Variants in RAF1 observed in about 807,000 individuals in gnomAD.
The protein encoded by RAF1 is Raf-1 proto-oncogene, serine/threonine kinase.
RAF1 carries 27 observed loss-of-function variants against 81.1 expected under a neutral mutation model. The observed-to-expected ratio is 0.33, with a 90% confidence interval of 0.25 to 0.46. The LOEUF (loss-of-function observed/expected upper bound fraction) is 0.46, where lower values mean the gene tolerates loss of function less well. Among genes scored for constraint, RAF1 ranks in the 20% least tolerant of loss-of-function variants. RAF1 has a pLI of 1.00. For synonymous variants in RAF1, 298 were observed against 294.0 expected (o/e 1.01, Z -0.14); for missense variants, 598 against 826.0 (o/e 0.72, Z 3.38).
chr3:12,638,866 C>CA lies in RAF1; in HGVS notation c.-26-20120dup, dbSNP rs1424420272. Among the ~76,000 whole-genome samples the CA allele has an allele frequency of 5.3e-5, 8 of 151,940 alleles. No individual in the cohort carries two copies. In the South Asian group the frequency reaches 6.2e-4, roughly 12 times the overall value. ...ACCTGGCCAACACGGCCTAAAAATACAAAAAAAGAAATGTAAAAATGTGTT... is the reference window on the plus strand; with the variant it reads ...ACCTGGCCAACACGGCCTAAAAATACAAAAAAAAGAAATGTAAAAATGTGTT... On this transcript the variant is annotated intron_variant, in intron 1 of 17. Transcript: ENST00000442415.
intron 1 of RAF1, among the ~76,000 whole-genome samples, chr3:12,649,821 G>C (rs116096487): frequency 2.0e-3 from 306 of 152,032 alleles, no homozygotes; most frequent in African/African-American, 6.9e-3. Context: ...GCAACTGAGG[G>C]GGAACATCAA....
intron 17 of RAF1, 72 bp downstream of exon 16, chr3:12,584,775 C>T: frequency 6.2e-7 from 1 of 1,613,484 alleles, no homozygotes; most frequent in Non-Finnish European, 8.5e-7. Flanking sequence ...AAACAAAACA[C>T]TCCCACCTTA....
At chr3:12,608,008 C>T (rs2059093825) in intron 5 of RAF1, among the ~76,000 whole-genome samples, 2 of 142,960 alleles carry the variant, frequency 1.4e-5, no homozygotes, top group Non-Finnish European at 3.1e-5. Flanking sequence ...ATTTTAAAAG[C>T]TTGTGCCATT....
intron 1 of RAF1, among the ~76,000 whole-genome samples, chr3:12,641,903 T>C (rs1026428957): frequency 2.0e-5 from 3 of 151,380 alleles, no homozygotes; most frequent in Non-Finnish European, 4.4e-5. Context: ...ACGCCTGTAA[T>C]CCCAGCCTGA....
At chr3:12,657,938 CT>C (rs1421220580) in intron 1 of RAF1, among the ~76,000 whole-genome samples, 4 of 151,906 alleles carry the variant, frequency 2.6e-5, no homozygotes, top group Non-Finnish European at 4.4e-5. Context: ...CCCTCAGCCC[CT>C]GATCTACTTT....
At chr3:12,640,499 A>C (rs1406191324) in intron 1 of RAF1, among the ~76,000 whole-genome samples, 1 of 152,234 alleles carries the variant, frequency 6.6e-6, no homozygotes, top group Non-Finnish European at 1.5e-5. Context: ...TAGCATCTAC[A>C]AAGAACTTAA....
intron 2 of RAF1, among the ~76,000 whole-genome samples, chr3:12,612,668 A>AAAAAC (rs2059251433): frequency 6.6e-6 from 1 of 151,342 alleles, no homozygotes; most frequent in Non-Finnish European, 1.5e-5. Context: ...AAAAAAAAAA[A>AAAAAC]GTGAAGAAAT....
At chr3:12,609,434 C>T (rs1352254076) in intron 3 of RAF1, 99 bp from the exon 4 acceptor site, 1 of 776,944 alleles carries the variant, frequency 1.3e-6, no homozygotes, top group East Asian at 2.5e-5. Flanking sequence ...ATAAACACAA[C>T]TTTATTTAAT....
At position 12,645,840 on chromosome 3, in the gene RAF1, C is replaced by T. The variant is rs376225687; in HGVS notation, c.-27+17973G>A. Among the ~76,000 whole-genome samples, 8 of 152,190 alleles carry T rather than the reference C, an allele frequency of 5.3e-5. No homozygotes were observed. In the East Asian group the frequency reaches 1.2e-3, roughly 22 times the overall value. On this transcript the variant is annotated intron_variant, in intron 1 of 17. Coordinates refer to ENST00000442415, the MANE Select transcript of RAF1 (RefSeq NM_001354689.3). Reference sequence around the variant, plus strand: ...CGTCTCAGCTCAGCCTCCCAAAGAGCTGGGATTACAAGGCATGAGCCACTG... The same window carrying T: ...CGTCTCAGCTCAGCCTCCCAAAGAGTTGGGATTACAAGGCATGAGCCACTG...
intron 1 of RAF1, among the ~76,000 whole-genome samples, chr3:12,663,497 T>C (rs1040266183): frequency 3.9e-5 from 6 of 152,286 alleles, no homozygotes; most frequent in East Asian, 1.9e-4. Context: ...ACAACAGATA[T>C]GGGGCAGCTC....
At chr3:12,598,718 T>A (rs915436997) in intron 11 of RAF1, among the ~76,000 whole-genome samples, 2 of 64,472 alleles carry the variant, frequency 3.1e-5, no homozygotes, top group African/African-American at 6.0e-5. Context: ...AGAGCAAGAA[T>A]CTATCTCAAA....
intron 1 of RAF1, among the ~76,000 whole-genome samples, chr3:12,634,796 C>CATA (rs1230787572): frequency 1.3e-5 from 2 of 152,022 alleles, no homozygotes; most frequent in Non-Finnish European, 2.9e-5. Flanking sequence ...TTAAGTATAT[C>CATA]CTCTCCCCTT....
intron 7 of RAF1, 135 bp downstream of exon 7, chr3:12,604,001 A>C (rs2058945977): frequency 1.0e-6 from 1 of 976,434 alleles, no homozygotes; most frequent in South Asian, 1.4e-5. Context: ...GATATAAAAT[A>C]AACTGTAAAA....
chr3:12,639,216 G>A (rs888045489), intron 1 of RAF1, among the ~76,000 whole-genome samples: 24 of 152,182 alleles, frequency 1.6e-4, no homozygotes, highest in South Asian at 8.3e-4. Flanking sequence ...TTGATGGGAC[G>A]TATCTCAAAA....
chr3:12,641,368 TAAAAA>T (rs935176104), intron 1 of RAF1, among the ~76,000 whole-genome samples: 6 of 143,700 alleles, frequency 4.2e-5, no homozygotes, highest in African/African-American at 1.5e-4. Flanking sequence ...CTTAAAGTAT[TAAAAA>T]AAAAAGAATG....
intron 1 of RAF1, among the ~76,000 whole-genome samples, chr3:12,621,543 A>G (rs991160164): frequency 2.6e-5 from 4 of 152,256 alleles, no homozygotes; most frequent in Non-Finnish European, 2.9e-5. Flanking sequence ...GTCTTTGTAC[A>G]TTCTTTTTGG....
intron 1 of RAF1, among the ~76,000 whole-genome samples, chr3:12,659,091 T>C (rs1304998603): frequency 6.6e-6 from 1 of 152,086 alleles, no homozygotes; most frequent in African/African-American, 2.4e-5. Context: ...TTAAGGAATT[T>C]TTACTTACAA....
At chr3:12,639,912 A>G (rs1226669714) in intron 1 of RAF1, among the ~76,000 whole-genome samples, 6 of 152,170 alleles carry the variant, frequency 3.9e-5, no homozygotes, top group African/African-American at 1.2e-4. Context: ...CATTGCCAAG[A>G]CAATCCTAAG....
intron 1 of RAF1, among the ~76,000 whole-genome samples, chr3:12,638,595 T>C (rs886741054): frequency 2.6e-5 from 4 of 152,270 alleles, no homozygotes; most frequent in African/African-American, 9.6e-5. Flanking sequence ...ACAGTTGTTT[T>C]ATATTACAAA....
Sources: gnomAD v4.1 joint callset for allele counts (sites outside exome capture counted in the v4.1 genomes callset) on GRCh38, gnomAD v4.1.1 for gene constraint, MANE v1.5 for transcripts, NCBI Gene and HGNC (gene_info 2026-07-23, HGNC 2026-07-21) for gene names.